SLC4A11: variants seen among roughly 807,000 people sequenced by gnomAD.
SLC4A11 encodes the protein solute carrier family 4 member 11, also known as bicarbonate transporter related protein 1.
A neutral mutation model predicts 95.0 loss-of-function variants in SLC4A11; 74 were observed. The ratio of observed to expected loss-of-function variants is 0.78; its 90% CI spans 0.65 to 0.95. The LOEUF (loss-of-function observed/expected upper bound fraction) is 0.95. SLC4A11 is among the 40% of genes least tolerant of loss of function. SLC4A11 has a pLI of 0.00. For synonymous variants in SLC4A11, 548 were observed against 519.0 expected, an observed-to-expected ratio of 1.06 and a Z score of -0.76; for missense variants, 1,081 against 1,192.4, an observed-to-expected ratio of 0.91 and a Z score of 1.38.
chr20:3,230,075 C>T (rs1193135487), intron 13 of SLC4A11, 112 bp downstream of exon 13: 20 of 1,322,968 alleles, frequency 1.5e-5, no homozygotes, highest in Non-Finnish European at 1.8e-5. Flanking sequence ...CCCTTGATCA[C>T]GGGCACACAC....
Position 3,228,974 on chromosome 20 carries a change from G to A in SLC4A11, c.2056C>T (p.Leu686Phe). Reference sequence around the variant, plus strand: ...AGCCCTGTGTTGATGATGGCGAGGAGCAGGAGGTCCCAGTGGTAGGCAGTG... The same window carrying A: ...AGCCCTGTGTTGATGATGGCGAGGAACAGGAGGTCCCAGTGGTAGGCAGTG... Reference protein sequence around the residue: ...KGTAYHWDLLLLAIINTGLSL... With the variant: ...KGTAYHWDLLFLAIINTGLSL... Residue 686 changes from leucine to phenylalanine, a missense_variant, in exon 17 of 20, where the codon CTC becomes TTC. By Grantham distance (22) the Leu-to-Phe change is conservative. Around this residue, in one of 3 missense-constraint regions of SLC4A11, gnomAD observed 767 missense variants for 858.0 expected, o/e 0.89. Coordinates refer to ENST00000642402, the MANE Select transcript of SLC4A11 (RefSeq NM_001174089.2). The A allele has an allele frequency of 1.2e-6, 2 of 1,613,808 alleles. No individual in the cohort carries two copies. Among genetic ancestry groups the A allele is most frequent in the Non-Finnish European group, 1.7e-6 (2 of 1,180,030 alleles).
chr20:3,234,357 A>T lies in SLC4A11; in HGVS notation c.292-43T>A. The stretch of plus-strand genomic sequence containing the variant: ...ACAGAACCACACGGGCCCATGTATG[A>T]GATGCTGTCACTGCCTGGTCCCTCC... On this transcript the variant is annotated intron_variant, in intron 4 of 19. Coordinates refer to ENST00000642402, the MANE Select transcript of SLC4A11 (RefSeq NM_001174089.2). This position sits in a 1 kb window ranked among gnomAD's most constrained non-coding sequence, Gnocchi z 5.8. The T allele has an allele frequency of 6.3e-7, 1 of 1,580,426 alleles. No individual in the cohort carries two copies. Among genetic ancestry groups the T allele is most frequent in the Non-Finnish European group, 8.7e-7 (1 of 1,152,818 alleles).
intron 19 of SLC4A11, 115 bp downstream of exon 19, chr20:3,228,144 C>CCCCAAAA: frequency 2.8e-6 from 2 of 718,214 alleles, no homozygotes; most frequent in Non-Finnish European, 4.8e-6. Context: ...GCACCCACCC[C>CCCCAAAA]AACCCGCCCA....
chr20:3,237,930 C>T, intron 1 of SLC4A11: 1 of 1,550,622 alleles, frequency 6.4e-7, no homozygotes, highest in Non-Finnish European at 8.7e-7. Flanking sequence ...GAAAACCCTG[C>T]CCCGCTGCAG....
Position 3,231,144 on chromosome 20 carries a change from C to T in SLC4A11, c.1042+5G>A, listed in dbSNP as rs368003867. 6.2e-6 allele frequency: 10 copies of T among 1,614,030 alleles called. No homozygotes were observed. The highest frequency in any genetic ancestry group is 1.3e-5 in the African/African-American group (1 of 74,928). On this transcript the variant is annotated splice_donor_5th_base_variant and intron_variant, in intron 9 of 19. Transcript: ENST00000642402. This position sits in a 1 kb window ranked among gnomAD's most constrained non-coding sequence, Gnocchi z 5.2. ...CCCAAGGCCTGGAAAGCAGAGGCCA[C>T]GTACCATCAGTGAAGTCCAAGGGGT... is the stretch of plus-strand genomic sequence containing the variant.
At chr20:3,235,424 C>A (rs1354961341) in intron 2 of SLC4A11, among the ~76,000 whole-genome samples, 1 of 151,868 alleles carries the variant, frequency 6.6e-6, no homozygotes, top group East Asian at 1.9e-4. Context: ...AGCATCGAGG[C>A]TGAGAGACCC....
intron 10 of SLC4A11, 22 bp downstream of exon 10, chr20:3,230,911 C>T: frequency 1.2e-6 from 2 of 1,611,996 alleles, no homozygotes; most frequent in Non-Finnish European, 8.5e-7. Context: ...CCCCCACCCA[C>T]CGCCCACCGC....
At chr20:3,238,376 G>T in intron 1 of SLC4A11, 1 of 985,244 alleles carries the variant, frequency 1.0e-6, no homozygotes, top group Non-Finnish European at 1.2e-6. Context: ...GGGTCGGGGC[G>T]CAGGATGTGA....
Position 3,230,723 on chromosome 20 carries a change from C to T in SLC4A11, c.1282+9G>A, listed in dbSNP as rs779014087. The T allele has an allele frequency of 6.8e-6, 11 of 1,613,042 alleles. No individual in the cohort carries two copies. In the African/African-American group the frequency reaches 1.2e-4, roughly 18 times the overall value. On this transcript the variant is annotated intron_variant, in intron 11 of 19. Transcript: ENST00000642402. ...CAGGCACCATCTCCCGCCTCAGCCCCCACTGCACCCTGGATGTAGAGCGCC... is the reference window on the plus strand; with the variant it reads ...CAGGCACCATCTCCCGCCTCAGCCCTCACTGCACCCTGGATGTAGAGCGCC...
intron 2 of SLC4A11, among the ~76,000 whole-genome samples, chr20:3,237,104 A>G (rs1361226843): frequency 6.6e-6 from 1 of 152,170 alleles, no homozygotes; most frequent in African/African-American, 2.4e-5. Context: ...ATGAGGAGGA[A>G]GACAGCTGGA....
In SLC4A11 at chr20:3,231,140, G is replaced by A; in HGVS notation, c.1042+9C>T. 3 of 1,614,160 alleles carry A rather than the reference G, an allele frequency of 1.9e-6. No homozygotes were observed. The highest frequency in any genetic ancestry group is 2.5e-6 in the Non-Finnish European group (3 of 1,180,032). The stretch of plus-strand genomic sequence containing the variant: ...TGGGCCCAAGGCCTGGAAAGCAGAG[G>A]CCACGTACCATCAGTGAAGTCCAAG... On this transcript the variant is annotated intron_variant, in intron 9 of 19. Coordinates refer to ENST00000642402, the MANE Select transcript of SLC4A11 (RefSeq NM_001174089.2). This position sits in a 1 kb window ranked among gnomAD's most constrained non-coding sequence, Gnocchi z 5.2.
intron 2 of SLC4A11, among the ~76,000 whole-genome samples, chr20:3,236,724 C>T (rs1007600811): frequency 6.6e-6 from 1 of 152,152 alleles, no homozygotes; most frequent in African/African-American, 2.4e-5. Context: ...CTTGTCCCAG[C>T]CTCCCCTCTG....
At chr20:3,230,090 C>T (rs2067702281) in intron 13 of SLC4A11, 97 bp downstream of exon 13, 2 of 1,416,824 alleles carry the variant, frequency 1.4e-6, no homozygotes, top group Non-Finnish European at 2.0e-6. Flanking sequence ...ACACACTCAG[C>T]TTGAGCCAGT....
chr20:3,237,162 A>G (rs2068007410), intron 2 of SLC4A11, among the ~76,000 whole-genome samples: 2 of 152,190 alleles, frequency 1.3e-5, no homozygotes, highest in African/African-American at 4.8e-5. Context: ...ACTGCAGCAC[A>G]GAGGCCTTAT....
At chr20:3,235,309 TCACACA>T (rs58744452) in intron 2 of SLC4A11, among the ~76,000 whole-genome samples, 3,545 of 123,554 alleles carry the variant, frequency 0.029, 133 homozygotes, top group African/African-American at 0.094. Flanking sequence ...TCTCTCTCTC[TCACACA>T]CACACACACA....
At chr20:3,237,383 T>C (rs78722238) in intron 2 of SLC4A11, among the ~76,000 whole-genome samples, 161 bp downstream of exon 2, 9,848 of 152,200 alleles carry the variant, frequency 0.065, 407 homozygotes, top group Non-Finnish European at 0.086. Context: ...GATCCGCCCA[T>C]GTCTAGCTTC....
chr20:3,232,175 C>T (rs922033497), intron 7 of SLC4A11, among the ~76,000 whole-genome samples: 2 of 152,256 alleles, frequency 1.3e-5, no homozygotes, highest in African/African-American at 2.4e-5. Context: ...TCCCCAGCTA[C>T]GTTTCCCCAG....
At chr20:3,235,754 C>G (rs1047175841) in intron 2 of SLC4A11, among the ~76,000 whole-genome samples, 1 of 152,032 alleles carries the variant, frequency 6.6e-6, no homozygotes, top group African/African-American at 2.4e-5. Context: ...CAGTGGCTCC[C>G]TGCAGCCTAC....
Position 3,230,597 on chromosome 20 carries a change from C to A in SLC4A11, c.1333G>T (p.Ala445Ser). 1.2e-6 allele frequency: 2 copies of A among 1,613,828 alleles called. No homozygotes were observed. The highest frequency in any genetic ancestry group is 1.7e-6 in the Non-Finnish European group (2 of 1,180,004). The change falls in exon 12 of 20, where the codon GCA becomes TCA. Residue 445 changes from alanine (A) to serine (S), a missense_variant. Coordinates refer to ENST00000642402, the MANE Select transcript of SLC4A11 (RefSeq NM_001174089.2). ...DYDLDFNSFY[A>S]WTGLWNSFFL... ...AAACTATTCCACAGGCCCGTCCATG[C>A]GTAGAAGGAGTTGAAGTCCAGGTCA...
Sources: allele counts gnomAD v4.1 joint callset (sites outside exome capture counted in the v4.1 genomes callset), GRCh38; gene constraint gnomAD v4.1.1; regional missense constraint gnomAD v4.1.1; non-coding constraint Gnocchi (gnomAD v3.1); transcripts MANE v1.5; gene names NCBI Gene and HGNC (gene_info 2026-07-23, HGNC 2026-07-21).